Variants in SLC39A11 observed in about 807,000 individuals in gnomAD.
SLC39A11 encodes solute carrier family 39 member 11.
In SLC39A11, 33 loss-of-function variants were observed where a neutral mutation model predicts 36.1. The observed-to-expected ratio is 0.91, with a 90% CI of 0.69 to 1.22. The LOEUF (loss-of-function observed/expected upper bound fraction) is 1.22. Ranked by LOEUF, SLC39A11 falls within the 50% of genes most tolerant of loss-of-function variation. SLC39A11 has a pLI of 0.00. For missense variants in SLC39A11, 432 were observed against 430.3 expected (o/e 1.00, Z -0.03); for synonymous variants, 166 against 170.3 (o/e 0.97, Z 0.20).
intron 6 of SLC39A11, among the ~76,000 whole-genome samples, chr17:72,834,044 T>C (rs560088141): frequency 1.3e-5 from 2 of 152,288 alleles, no homozygotes; most frequent in South Asian, 4.1e-4. Flanking sequence ...GAAATGGAAC[T>C]CCTCCCAAGG....
chr17:72,828,138 G>A (rs1325210052), intron 6 of SLC39A11, among the ~76,000 whole-genome samples: 3 of 152,218 alleles, frequency 2.0e-5, no homozygotes, highest in Non-Finnish European at 2.9e-5. Flanking sequence ...CTCCTAAAAT[G>A]TCTATGTCCT....
intron 3 of SLC39A11, among the ~76,000 whole-genome samples, chr17:73,048,455 G>T (rs1174475399): frequency 1.3e-5 from 2 of 152,216 alleles, no homozygotes; most frequent in African/African-American, 2.4e-5. Context: ...CACCTAGGTT[G>T]ACTGCATGTC....
intron 3 of SLC39A11, among the ~76,000 whole-genome samples, chr17:73,082,803 G>C (rs2060587258): frequency 6.6e-6 from 1 of 151,880 alleles, no homozygotes. Context: ...CTGAGGTCAG[G>C]AGTTCGAGAC....
At chr17:72,788,722 G>A (rs1321105980) in intron 6 of SLC39A11, among the ~76,000 whole-genome samples, 1 of 152,248 alleles carries the variant, frequency 6.6e-6, no homozygotes, top group Non-Finnish European at 1.5e-5. Flanking sequence ...ATACATTTAA[G>A]AGGTGATGCT....
At chr17:72,845,609 A>G (rs2079012808) in intron 6 of SLC39A11, among the ~76,000 whole-genome samples, 1 of 152,172 alleles carries the variant, frequency 6.6e-6, no homozygotes, top group African/African-American at 2.4e-5. Context: ...ACACAATATA[A>G]AATTCATTTA....
intron 2 of SLC39A11, among the ~76,000 whole-genome samples, chr17:73,086,730 C>T (rs766175965): frequency 8.6e-5 from 13 of 151,972 alleles, no homozygotes; most frequent in African/African-American, 2.2e-4. Context: ...TGAGGTGGGA[C>T]GATCACTTGA....
chr17:73,067,029 G>T (rs2060016388), intron 3 of SLC39A11, among the ~76,000 whole-genome samples: 1 of 152,126 alleles, frequency 6.6e-6, no homozygotes. Flanking sequence ...AAGAAAGAAA[G>T]AACTCATTTT....
intron 3 of SLC39A11, among the ~76,000 whole-genome samples, chr17:73,035,993 T>C (rs976614886): frequency 2.6e-5 from 4 of 151,228 alleles, no homozygotes; most frequent in Admixed American, 2.6e-4. Flanking sequence ...GAAAAGGCCA[T>C]CTGCTAGGGA....
chr17:72,875,435 G>A lies in SLC39A11; in HGVS notation c.431-25631C>T, dbSNP rs183643964. ...TGTTACCTACCTGAGGACTTCCCAG[G>A]AAGCCAGCGGGATTCTGGAACCCCC... On this transcript the variant is annotated intron_variant, in intron 5 of 9. Coordinates refer to ENST00000255559, the MANE Select transcript of SLC39A11 (RefSeq NM_139177.4). Among the ~76,000 whole-genome samples, 84 of 152,266 alleles carry A rather than the reference G, an allele frequency of 5.5e-4. 1 individual carries two copies. The East Asian group carries it at 0.011, about 19-fold the overall frequency.
chr17:72,730,621 CCT>C (rs922774227), intron 7 of SLC39A11, among the ~76,000 whole-genome samples: 1 of 152,070 alleles, frequency 6.6e-6, no homozygotes, highest in Non-Finnish European at 1.5e-5. Flanking sequence ...CCATCCTATA[CCT>C]CTCTCTCTCA....
At chr17:72,716,104 C>G (rs1340080029) in intron 7 of SLC39A11, among the ~76,000 whole-genome samples, 2 of 151,648 alleles carry the variant, frequency 1.3e-5, no homozygotes, top group East Asian at 3.9e-4. Flanking sequence ...CTGACCCACC[C>G]CAAAAAGGCC....
chr17:72,877,545 T>C (rs1290644542), intron 5 of SLC39A11, among the ~76,000 whole-genome samples: 1 of 152,116 alleles, frequency 6.6e-6, no homozygotes, highest in Non-Finnish European at 1.5e-5. Context: ...TACCAATTAC[T>C]TTTCCCCCCA....
At chr17:72,767,161 C>G (rs2075786079) in intron 6 of SLC39A11, among the ~76,000 whole-genome samples, 1 of 152,230 alleles carries the variant, frequency 6.6e-6, no homozygotes, top group Non-Finnish European at 1.5e-5. Flanking sequence ...TGTTGAGCTG[C>G]TTTTTGTGTT....
intron 6 of SLC39A11, among the ~76,000 whole-genome samples, chr17:72,814,919 C>G (rs2077536163): frequency 6.6e-6 from 1 of 152,196 alleles, no homozygotes; most frequent in African/African-American, 2.4e-5. Context: ...TTAGGGAAGG[C>G]CTTTTGTCAC....
intron 4 of SLC39A11, among the ~76,000 whole-genome samples, chr17:73,028,307 C>G (rs1041240077): frequency 5.3e-5 from 8 of 152,170 alleles, no homozygotes; most frequent in African/African-American, 1.9e-4. Flanking sequence ...TGGCCAACCG[C>G]AACGACTCAA....
In SLC39A11 at chr17:72,649,161, A is replaced by G. The variant is rs200914266; in HGVS notation, c.770+9T>C. The G allele has an allele frequency of 1.9e-6, 3 of 1,611,960 alleles. No individual in the cohort carries two copies. In the Admixed American group the frequency reaches 5.0e-5, roughly 27 times the overall value. Reference sequence around the variant, plus strand: ...CTGTGACATGGCCTTGCCCTTGGGCAGCACTCACCAGAAAGCTCTCCAGGT... The same window carrying G: ...CTGTGACATGGCCTTGCCCTTGGGCGGCACTCACCAGAAAGCTCTCCAGGT... On this transcript the variant is annotated intron_variant, in intron 8 of 9. Coordinates refer to ENST00000255559, the MANE Select transcript of SLC39A11 (RefSeq NM_139177.4).
At chr17:73,084,041 C>T (rs186396428) in intron 3 of SLC39A11, among the ~76,000 whole-genome samples, 46 of 152,256 alleles carry the variant, frequency 3.0e-4, no homozygotes, top group African/African-American at 1.1e-3. Flanking sequence ...TTGGGGAGGA[C>T]AGGTGAACTG....
chr17:72,983,390 C>G (rs991027735), intron 4 of SLC39A11, among the ~76,000 whole-genome samples: 3 of 152,224 alleles, frequency 2.0e-5, no homozygotes, highest in African/African-American at 7.2e-5. Context: ...CTCAAGTGAA[C>G]CACCTGCCTC....
chr17:73,061,227 G>A (rs1424532448), intron 3 of SLC39A11, among the ~76,000 whole-genome samples: 1 of 152,148 alleles, frequency 6.6e-6, no homozygotes, highest in Non-Finnish European at 1.5e-5. Context: ...GGGAGTGGTA[G>A]CAGGTACCTG....
Sources: allele counts gnomAD v4.1 joint callset (sites outside exome capture counted in the v4.1 genomes callset), GRCh38; gene constraint gnomAD v4.1.1; transcripts MANE v1.5; gene names NCBI Gene and HGNC (gene_info 2026-07-23, HGNC 2026-07-21).